The following KLF17 variants were observed in gnomAD, a reference collection of about 807,000 sequenced individuals.
KLF17 encodes the protein KLF transcription factor 17, also known as Krueppel-like factor 17.
Under a neutral mutation model 34.2 loss-of-function variants are expected in KLF17, and 31 were observed. The observed-to-expected ratio is 0.91, with a 90% CI of 0.68 to 1.22. KLF17 has a LOEUF of 1.22. Ranked by LOEUF, KLF17 falls within the 50% of genes most tolerant of loss-of-function variation. KLF17 has a pLI of 0.00. For synonymous variants in KLF17, 179 were observed against 186.7 expected (o/e 0.96, Z 0.34); for missense variants, 478 against 505.2 (o/e 0.95, Z 0.52).
At chr1:44,129,223 G>T in intron 1 of KLF17, 130 bp from the exon 2 acceptor site, 1 of 1,142,646 alleles carries the variant, frequency 8.8e-7, no homozygotes, top group Non-Finnish European at 1.2e-6. Flanking sequence ...CTGGGAAATG[G>T]TCTGGAGGCA....
At chr1:44,128,658 G>T (rs2088057887) in intron 1 of KLF17, among the ~76,000 whole-genome samples, 1 of 152,162 alleles carries the variant, frequency 6.6e-6, no homozygotes. Flanking sequence ...TTTCATCTCT[G>T]TGGCTTTCTG....
chr1:44,059,866 T>A, the KLF17 span, among the ~76,000 whole-genome samples: 3 of 151,992 alleles, frequency 2.0e-5, no homozygotes, highest in African/African-American at 7.3e-5. Flanking sequence ...GGAGACCATA[T>A]ATGGTGCCTT....
chr1:44,116,393 C>T (rs988201596), upstream of KLF17, among the ~76,000 whole-genome samples: 1 of 152,210 alleles, frequency 6.6e-6, no homozygotes, highest in African/African-American at 2.4e-5. Flanking sequence ...CCTGTCCTTT[C>T]TTGATTCATC....
At chr1:44,103,952 C>T in the KLF17 span, 8 of 866,552 alleles carry the variant, frequency 9.2e-6, no homozygotes, top group African/African-American at 1.6e-5. Flanking sequence ...CAGCCTCAGC[C>T]CGCCTGCGGT....
the KLF17 span, among the ~76,000 whole-genome samples, chr1:44,077,125 A>C: frequency 6.6e-6 from 1 of 151,614 alleles, no homozygotes; most frequent in Non-Finnish European, 1.5e-5. Flanking sequence ...CGGGCAGATT[A>C]GTTTAGATCA....
chr1:44,053,817 T>C, the KLF17 span, among the ~76,000 whole-genome samples: 1 of 152,212 alleles, frequency 6.6e-6, no homozygotes, highest in African/African-American at 2.4e-5. Context: ...CAAATATTAC[T>C]ATCCACTTGT....
intron 1 of KLF17, among the ~76,000 whole-genome samples, chr1:44,128,878 G>A (rs189118845): frequency 5.9e-5 from 9 of 152,206 alleles, no homozygotes; most frequent in Admixed American, 3.9e-4. Context: ...TGGGCATGGT[G>A]GTGCATGCCT....
At chr1:44,096,764 T>C in the KLF17 span, among the ~76,000 whole-genome samples, 40 of 152,266 alleles carry the variant, frequency 2.6e-4, no homozygotes, top group Non-Finnish European at 4.9e-4. Context: ...GATGGATAGA[T>C]TGCAAAAAAG....
the KLF17 span, among the ~76,000 whole-genome samples, chr1:44,091,961 ACTCT>A: frequency 0.13 from 15,234 of 116,420 alleles, 1,526 homozygotes; most frequent in South Asian, 0.26. Flanking sequence ...ACACACACAC[ACTCT>A]CTCTCTCTCT....
the KLF17 span, among the ~76,000 whole-genome samples, chr1:44,093,326 A>G: frequency 6.6e-6 from 1 of 152,186 alleles, no homozygotes; most frequent in African/African-American, 2.4e-5. Flanking sequence ...TTATGTACCA[A>G]CCTATATACT....
chr1:44,081,986 G>T, the KLF17 span, among the ~76,000 whole-genome samples: 1 of 152,096 alleles, frequency 6.6e-6, no homozygotes, highest in Non-Finnish European at 1.5e-5. Context: ...GTTCTAAAAT[G>T]TTAAATAATT....
At chr1:44,069,966 G>A in the KLF17 span, 1 of 152,158 alleles carries the variant, frequency 6.6e-6, no homozygotes, top group South Asian at 2.1e-4. This position sits in a 1 kb window ranked among gnomAD's most constrained non-coding sequence, Gnocchi z 4.7. Context: ...TAGCCCATGG[G>A]TAGGGGAGGG....
At chr1:44,098,761 A>G in the KLF17 span, among the ~76,000 whole-genome samples, 1 of 152,030 alleles carries the variant, frequency 6.6e-6, no homozygotes, top group Non-Finnish European at 1.5e-5. Context: ...CATGTTAGCC[A>G]AGATGGTCTT....
rs377359773 is a variant in KLF17 at position 44,125,929 on chromosome 1, A to G, written c.82-3424A>G. 3.3e-5 allele frequency among the ~76,000 whole-genome samples: 5 copies of G among 152,164 alleles called. No homozygotes were observed. The East Asian group carries it at 9.7e-4, about 29-fold the overall frequency. ...GGTTGAGTTGCCATAATGGCTGCCA[A>G]CCTCTGTCTGCACCTCATAATCAGA... On this transcript the variant is annotated intron_variant, in intron 1 of 3. Transcript: ENST00000372299.
At chr1:44,119,955 G>T (rs113415450) in intron 1 of KLF17, among the ~76,000 whole-genome samples, 1,806 of 152,312 alleles carry the variant, frequency 0.012, 8 homozygotes, top group Non-Finnish European at 0.014. Flanking sequence ...TTCAAATGGC[G>T]GCCTACCTGC....
At chr1:44,101,868 C>A in the KLF17 span, among the ~76,000 whole-genome samples, 1 of 151,572 alleles carries the variant, frequency 6.6e-6, no homozygotes, top group Non-Finnish European at 1.5e-5. Context: ...TTCTCAAAAA[C>A]AAAACAAAAC....
intron 1 of KLF17, among the ~76,000 whole-genome samples, chr1:44,119,310 T>C (rs2087918985): frequency 6.7e-6 from 1 of 149,528 alleles, no homozygotes; most frequent in South Asian, 2.1e-4. Context: ...GTTGGCCGCG[T>C]GGCGGGTAAG....
the KLF17 span, among the ~76,000 whole-genome samples, chr1:44,068,178 C>G: frequency 6.6e-6 from 1 of 152,090 alleles, no homozygotes; most frequent in Admixed American, 6.5e-5. Flanking sequence ...GTGCATGTCA[C>G]CATGCCTGGG....
chr1:44,129,796 T>A lies in KLF17; in HGVS notation c.525T>A (p.Pro175=). ...GIPIMSHTGN[P]PVPYPGLSTV... ...CAATAATGTCCCACACTGGGAACCC[T>A]CCAGTGCCTTACCCTGGCCTCTCGA... Residue 175 remains proline (P), a synonymous_variant, in exon 2 of 4, where the codon CCT becomes CCA. Coordinates refer to ENST00000372299, the MANE Select transcript of KLF17 (RefSeq NM_173484.4). 6.2e-7 allele frequency: 1 copy of A among 1,614,066 alleles called. No individual in the cohort carries two copies. Among genetic ancestry groups the A allele is most frequent in the East Asian group, 2.2e-5 (1 of 44,874 alleles).
Sources: gnomAD v4.1 joint callset for allele counts (sites outside exome capture counted in the v4.1 genomes callset) on GRCh38, gnomAD v4.1.1 for gene constraint, Gnocchi (gnomAD v3.1) non-coding constraint, MANE v1.5 for transcripts, NCBI Gene and HGNC (gene_info 2026-07-23, HGNC 2026-07-21) for gene names.